JAZF1: variants seen among roughly 807,000 people sequenced by gnomAD.
JAZF1 encodes juxtaposed with another zinc finger protein 1.
JAZF1 carries 8 observed loss-of-function variants against 26.4 expected under a neutral mutation model. The observed-to-expected ratio is 0.30, with a 90% CI of 0.18 to 0.55. JAZF1 has a LOEUF of 0.55. JAZF1 is among the 20% of genes least tolerant of loss of function. The pLI is 0.94. For missense variants in JAZF1, 199 were observed against 322.0 expected (o/e 0.62, Z 2.92); for synonymous variants, 126 against 122.3 (o/e 1.03, Z -0.20).
chr7:27,864,526 C>T (rs564276394), intron 3 of JAZF1, among the ~76,000 whole-genome samples: 12 of 152,290 alleles, frequency 7.9e-5, no homozygotes, highest in Non-Finnish European at 1.6e-4. Flanking sequence ...CCTACTGCCC[C>T]CCTAGCAGGA....
chr7:27,863,209 G>T (rs936330103), intron 3 of JAZF1, among the ~76,000 whole-genome samples: 1 of 152,110 alleles, frequency 6.6e-6, no homozygotes, highest in South Asian at 2.1e-4. Flanking sequence ...TTCCTTCCCT[G>T]CCCATCATTA....
At chr7:28,109,500 T>C (rs1248915858) in intron 1 of JAZF1, among the ~76,000 whole-genome samples, 1 of 152,244 alleles carries the variant, frequency 6.6e-6, no homozygotes, top group African/African-American at 2.4e-5. Context: ...TCTCAAGGTA[T>C]ATCAACCACC....
chr7:27,911,870 C>T (rs1562526928), intron 2 of JAZF1, among the ~76,000 whole-genome samples: 1 of 152,116 alleles, frequency 6.6e-6, no homozygotes, highest in African/African-American at 2.4e-5. Flanking sequence ...GGAGGAGAGA[C>T]TGAGTAATGG....
At chr7:28,124,461 C>T (rs1404426943) in intron 1 of JAZF1, among the ~76,000 whole-genome samples, 1 of 152,134 alleles carries the variant, frequency 6.6e-6, no homozygotes, top group African/African-American at 2.4e-5. Context: ...CTGCCCAACC[C>T]ACTCTTCACC....
intron 2 of JAZF1, among the ~76,000 whole-genome samples, chr7:27,911,242 T>C (rs893579029): frequency 6.6e-6 from 1 of 152,240 alleles, no homozygotes; most frequent in African/African-American, 2.4e-5. Flanking sequence ...TGGATGTTAA[T>C]ATTAAAGAAG....
chr7:28,041,247 G>A (rs919892100), intron 1 of JAZF1, among the ~76,000 whole-genome samples: 1 of 152,186 alleles, frequency 6.6e-6, no homozygotes, highest in South Asian at 2.1e-4. Flanking sequence ...GGGTGTGAGT[G>A]CACGAGTGTG....
chr7:28,045,616 G>A (rs1286207047), intron 1 of JAZF1, among the ~76,000 whole-genome samples: 2 of 152,088 alleles, frequency 1.3e-5, no homozygotes, highest in African/African-American at 4.8e-5. Flanking sequence ...TCACTCTGTC[G>A]CCAAGTTTGG....
intron 1 of JAZF1, among the ~76,000 whole-genome samples, chr7:28,167,464 G>A (rs543173867): frequency 3.3e-5 from 5 of 152,280 alleles, no homozygotes; most frequent in South Asian, 4.1e-4. Flanking sequence ...TGAGGCAAGC[G>A]AGCTCCAGGA....
intron 1 of JAZF1, among the ~76,000 whole-genome samples, chr7:28,094,439 C>T (rs1784350013): frequency 1.3e-5 from 2 of 152,326 alleles, no homozygotes; most frequent in Admixed American, 6.5e-5. Flanking sequence ...CAGGGCTGCT[C>T]GCTTCTGCCT....
At position 27,903,845 on chromosome 7, in the gene JAZF1, A is replaced by C. The variant is rs62451119; in HGVS notation, c.189-8429T>G. ...TCTGCTAGCAGACCCTCTGTAGAAC[A>C]TCACATCCAACTATGCTTCATTTGA... On this transcript the variant is annotated intron_variant, in intron 2 of 4. Transcript: ENST00000283928. 2.2e-4 allele frequency among the ~76,000 whole-genome samples: 33 copies of C among 152,200 alleles called. 1 individual carries two copies. The highest frequency in any genetic ancestry group is 2.1e-3 in the Admixed American group (32 of 15,290).
At chr7:27,844,946 G>A (rs80139911) in intron 3 of JAZF1, among the ~76,000 whole-genome samples, 156 of 152,314 alleles carry the variant, frequency 1.0e-3, no homozygotes, top group African/African-American at 3.5e-3. Flanking sequence ...GTTGGTGGTC[G>A]TTAGGTCCTG....
intron 3 of JAZF1, among the ~76,000 whole-genome samples, chr7:27,844,868 A>C (rs1353954564): frequency 6.6e-6 from 1 of 152,144 alleles, no homozygotes; most frequent in East Asian, 1.9e-4. Flanking sequence ...AAATGAGGGG[A>C]CCTTAAGGAT....
chr7:27,882,821 C>T (rs1288516113), intron 3 of JAZF1, among the ~76,000 whole-genome samples: 3 of 152,104 alleles, frequency 2.0e-5, no homozygotes, highest in African/African-American at 7.2e-5. Flanking sequence ...GTGTTTTAGA[C>T]TGGTGGTGGC....
chr7:28,066,937 A>G (rs1783893216), intron 1 of JAZF1, among the ~76,000 whole-genome samples: 1 of 152,208 alleles, frequency 6.6e-6, no homozygotes, highest in Non-Finnish European at 1.5e-5. Context: ...GCTCATCCAG[A>G]GCCAAGAAGA....
chr7:27,908,273 A>G (rs1562525826), intron 2 of JAZF1, among the ~76,000 whole-genome samples: 1 of 152,218 alleles, frequency 6.6e-6, no homozygotes, highest in Non-Finnish European at 1.5e-5. Context: ...GCATTGTTGA[A>G]AGATAGAGCA....
At chr7:28,166,888 A>G (rs1783376825) in intron 1 of JAZF1, among the ~76,000 whole-genome samples, 2 of 152,216 alleles carry the variant, frequency 1.3e-5, no homozygotes, top group South Asian at 4.1e-4. Flanking sequence ...AATATCTCCA[A>G]GGTAAAATAT....
intron 1 of JAZF1, among the ~76,000 whole-genome samples, chr7:28,034,687 G>C (rs1184383625): frequency 6.6e-6 from 1 of 152,082 alleles, no homozygotes; most frequent in African/African-American, 2.4e-5. Context: ...ACATACCCAG[G>C]TGTATGGCCA....
intron 1 of JAZF1, among the ~76,000 whole-genome samples, chr7:28,110,521 A>AAAGGAAAGG (rs1784635463): frequency 1.7e-5 from 1 of 60,226 alleles, no homozygotes; most frequent in African/African-American, 5.7e-5. Context: ...AAGGAAAAGG[A>AAAGGAAAGG]AAAGGAAAAG....
chr7:28,128,970 C>T lies in JAZF1; in HGVS notation c.115+51493G>A, dbSNP rs574464359. On this transcript the variant is annotated intron_variant, in intron 1 of 4. Coordinates refer to ENST00000283928, the MANE Select transcript of JAZF1 (RefSeq NM_175061.4). ...AAGTAAAAAGAAAAAAGTGAGTTAT[C>T]CTTTAGGAAACTTAAGTTTGGGGTA... is the stretch of plus-strand genomic sequence containing the variant. Among the ~76,000 whole-genome samples, 62 of 152,180 alleles carry T rather than the reference C, an allele frequency of 4.1e-4. 1 individual carries two copies. The highest frequency in any genetic ancestry group is 1.4e-3 in the African/African-American group (58 of 41,510).
Sources: allele counts gnomAD v4.1 joint callset (sites outside exome capture counted in the v4.1 genomes callset), GRCh38; gene constraint gnomAD v4.1.1; transcripts MANE v1.5; gene names NCBI Gene and HGNC (gene_info 2026-07-23, HGNC 2026-07-21).